The following TTC7B variants were observed in gnomAD, a reference collection of about 807,000 sequenced individuals.
The protein encoded by TTC7B is tetratricopeptide repeat domain 7B, also known as tetratricopeptide repeat protein 7B.
In TTC7B, 28 loss-of-function variants were observed where a neutral mutation model predicts 106.8. That is an observed-to-expected ratio of 0.26 (90% CI 0.19 to 0.36). The LOEUF (loss-of-function observed/expected upper bound fraction) is 0.36. Ranked by LOEUF, TTC7B falls within the 10% of genes least tolerant of loss-of-function variation. The pLI is 1.00. For missense variants in TTC7B, 862 were observed against 1,076.4 expected (o/e 0.80, Z 2.79); for synonymous variants, 405 against 430.6 (o/e 0.94, Z 0.74).
intron 14 of TTC7B, among the ~76,000 whole-genome samples, chr14:90,646,376 T>C (rs1437954228): frequency 6.6e-6 from 1 of 152,208 alleles, no homozygotes; most frequent in Non-Finnish European, 1.5e-5. Flanking sequence ...AAGCTGCCTT[T>C]GGGAAGATGA....
At chr14:90,565,986 G>T (rs1030531244) in intron 19 of TTC7B, among the ~76,000 whole-genome samples, 33 of 152,058 alleles carry the variant, frequency 2.2e-4, no homozygotes, top group Admixed American at 1.3e-4. Flanking sequence ...AATAATAAAA[G>T]AATTTTAAAA....
intron 16 of TTC7B, among the ~76,000 whole-genome samples, chr14:90,613,832 G>A (rs1892965586): frequency 6.6e-6 from 1 of 152,274 alleles, no homozygotes; most frequent in Admixed American, 6.5e-5. Context: ...TCCATGGTAT[G>A]TAAGCGGGAG....
At chr14:90,703,859 A>C (rs1888098344) in intron 5 of TTC7B, among the ~76,000 whole-genome samples, 1 of 152,236 alleles carries the variant, frequency 6.6e-6, no homozygotes, top group African/African-American at 2.4e-5. Flanking sequence ...ATTGTCACAC[A>C]TTCTCAGGAG....
At chr14:90,786,076 A>G in intron 2 of TTC7B, 98 bp downstream of exon 2, 1 of 1,346,354 alleles carries the variant, frequency 7.4e-7, no homozygotes, top group Non-Finnish European at 9.8e-7. Context: ...GGCAGTGTGC[A>G]GGTGAGCTCC....
At chr14:90,580,834 A>G (rs1476952456) in intron 18 of TTC7B, among the ~76,000 whole-genome samples, 1 of 152,182 alleles carries the variant, frequency 6.6e-6, no homozygotes, top group East Asian at 1.9e-4. Flanking sequence ...TGGGTATGCC[A>G]GGGATAGCCC....
intron 15 of TTC7B, among the ~76,000 whole-genome samples, chr14:90,619,410 C>T (rs186891350): frequency 6.6e-6 from 1 of 152,348 alleles, no homozygotes; most frequent in African/African-American, 2.4e-5. Context: ...ACACATGCCA[C>T]GTCCCCAACT....
Position 90,532,007 on chromosome 14 carries a change from CTCTG to C in TTC7B, c.*9357_*9360del, listed in dbSNP as rs1889300499. The C allele has an allele frequency of 6.6e-6, 1 of 152,136 alleles. No homozygotes were observed. The highest frequency in any genetic ancestry group is 1.5e-5 in the Non-Finnish European group (1 of 68,076). The allele number at this position is 152,136 out of a possible 1,614,324, so 9.4% of individuals were successfully genotyped here. A position where few individuals can be genotyped will look rare whatever the true frequency, so the allele number is the denominator to read the frequency against. ...GATCAGCCTAGGCAACATGGCAAAA[CTCTG>C]TCTCTGAAAAAAATTAGTGGGGCTT... On this transcript the variant is annotated 3_prime_UTR_variant, in exon 20 of 20. Coordinates refer to ENST00000328459, the MANE Select transcript of TTC7B (RefSeq NM_001010854.2).
chr14:90,627,679 C>A (rs1884508526), intron 15 of TTC7B, among the ~76,000 whole-genome samples: 1 of 152,176 alleles, frequency 6.6e-6, no homozygotes, highest in African/African-American at 2.4e-5. Context: ...TGTTAGAGCT[C>A]ATATCAGTTA....
chr14:90,565,624 T>C (rs915093846), intron 19 of TTC7B, among the ~76,000 whole-genome samples: 1 of 152,034 alleles, frequency 6.6e-6, no homozygotes, highest in Non-Finnish European at 1.5e-5. Context: ...ATGGTCTCGA[T>C]CTCCTGACCC....
At chr14:90,581,346 A>G (rs1372676596) in intron 18 of TTC7B, among the ~76,000 whole-genome samples, 1 of 152,166 alleles carries the variant, frequency 6.6e-6, no homozygotes, top group Non-Finnish European at 1.5e-5. Flanking sequence ...CAAAGAAGAC[A>G]TTTCTCTGTC....
Position 90,593,470 on chromosome 14 carries a change from G to A in TTC7B, c.2107+16C>T. On this transcript the variant is annotated intron_variant, in intron 18 of 19. Coordinates refer to ENST00000328459, the MANE Select transcript of TTC7B (RefSeq NM_001010854.2). ...GCTCTGGCACAGCAGCGGGTTGTGGGTGAGGCGGAGGGTACCTGCATGGAG... is the reference window on the plus strand; with the variant it reads ...GCTCTGGCACAGCAGCGGGTTGTGGATGAGGCGGAGGGTACCTGCATGGAG... The A allele has an allele frequency of 1.9e-6, 3 of 1,564,696 alleles. No homozygotes were observed. The highest frequency in any genetic ancestry group is 1.7e-6 in the Non-Finnish European group (2 of 1,151,984).
At chr14:90,594,940 A>G (rs1159339196) in intron 17 of TTC7B, among the ~76,000 whole-genome samples, 5 of 152,224 alleles carry the variant, frequency 3.3e-5, no homozygotes, top group Non-Finnish European at 7.3e-5. Flanking sequence ...TGGAAATCAG[A>G]GTGGGCCGAC....
At chr14:90,691,990 G>T (rs960719666) in intron 6 of TTC7B, among the ~76,000 whole-genome samples, 2 of 152,126 alleles carry the variant, frequency 1.3e-5, no homozygotes, top group African/African-American at 4.8e-5. Flanking sequence ...ACCAGCTTCC[G>T]TTACTTAGCA....
In TTC7B at chr14:90,736,315, G is replaced by A. The variant is rs117725813; in HGVS notation, c.577-6119C>T. On this transcript the variant is annotated intron_variant, in intron 4 of 19. Coordinates refer to ENST00000328459, the MANE Select transcript of TTC7B (RefSeq NM_001010854.2). ...GGGGAGGAGGTCGGGTGCAGTGCCT[G>A]TAATCACAGCACTTTGGGAGGCCAA... 2.8e-4 allele frequency among the ~76,000 whole-genome samples: 42 copies of A among 152,252 alleles called. No individual in the cohort carries two copies. In the East Asian group the frequency reaches 8.1e-3, roughly 29 times the overall value.
chr14:90,736,354 C>T (rs1474903863), intron 4 of TTC7B, among the ~76,000 whole-genome samples: 4 of 151,906 alleles, frequency 2.6e-5, no homozygotes, highest in African/African-American at 7.3e-5. Context: ...AGGTGAATCA[C>T]GTGGTCAGGA....
chr14:90,543,019 A>G (rs990416536), intron 19 of TTC7B, among the ~76,000 whole-genome samples: 12 of 152,326 alleles, frequency 7.9e-5, no homozygotes, highest in Non-Finnish European at 1.3e-4. Context: ...TGCTAATGTC[A>G]TACATGCAGA....
chr14:90,811,659 G>A (rs2030906325), intron 1 of TTC7B, among the ~76,000 whole-genome samples: 1 of 152,194 alleles, frequency 6.6e-6, no homozygotes, highest in African/African-American at 2.4e-5. Context: ...CTATGCCCCA[G>A]AAATACTCTT....
chr14:90,659,524 GA>G (rs969216588), intron 9 of TTC7B, among the ~76,000 whole-genome samples: 2 of 152,174 alleles, frequency 1.3e-5, no homozygotes, highest in African/African-American at 4.8e-5. Context: ...CCAGACCATG[GA>G]AAGGGAGAGA....
chr14:90,718,434 T>C (rs1273363195), intron 5 of TTC7B, among the ~76,000 whole-genome samples: 1 of 152,250 alleles, frequency 6.6e-6, no homozygotes, highest in Non-Finnish European at 1.5e-5. Flanking sequence ...GAGGTCTCTA[T>C]GATCTTTCCA....
Sources: allele counts gnomAD v4.1 joint callset (sites outside exome capture counted in the v4.1 genomes callset), GRCh38; gene constraint gnomAD v4.1.1; transcripts MANE v1.5; gene names NCBI Gene and HGNC (gene_info 2026-07-23, HGNC 2026-07-21).